The following SLC36A2 variants were observed in gnomAD, a reference collection of about 807,000 sequenced individuals.
The protein encoded by SLC36A2 is proton-coupled amino acid transporter 2.
In SLC36A2, 39 loss-of-function variants were observed where a neutral mutation model predicts 42.7. The ratio of observed to expected loss-of-function variants is 0.91; its 90% CI spans 0.71 to 1.19. The LOEUF (loss-of-function observed/expected upper bound fraction) is 1.19. Ranked by LOEUF, SLC36A2 falls within the 50% of genes most tolerant of loss-of-function variation. SLC36A2 has a pLI of 0.00. For missense variants in SLC36A2, 590 were observed against 613.7 expected (o/e 0.96, Z 0.41); for synonymous variants, 237 against 240.8 (o/e 0.98, Z 0.15).
chr5:151,333,196 G>A, intron 7 of SLC36A2, 28 bp downstream of exon 7: 1 of 1,590,804 alleles, frequency 6.3e-7, no homozygotes, highest in South Asian at 1.1e-5. Flanking sequence ...AAGCACTAGG[G>A]ATAAGGCCAC....
chr5:151,346,764 A>G (rs1394095254), intron 1 of SLC36A2, among the ~76,000 whole-genome samples: 2 of 152,144 alleles, frequency 1.3e-5, no homozygotes, highest in East Asian at 3.9e-4. Context: ...CTCCCTGGAA[A>G]GTGGAAAAAA....
Position 151,335,376 on chromosome 5 carries a change from T to C in SLC36A2, c.697A>G (p.Ile233Val), listed in dbSNP as rs1756123088. ...ATGACCAAGCTGACCAGCATGCTGA[T>C]GTTGGCCAGCATGGAGAAGATGGTC... is the stretch of plus-strand genomic sequence containing the variant. ...ILTIFSMLAN[I>V]SMLVSLVIII... The change falls in exon 6 of 10, where the codon ATC becomes GTC. Residue 233 changes from isoleucine (I) to valine (V), a missense_variant. Coordinates refer to ENST00000335244, the MANE Select transcript of SLC36A2 (RefSeq NM_181776.3). 1 of 1,614,022 alleles carries C rather than the reference T, an allele frequency of 6.2e-7. No homozygotes were observed. The highest frequency in any genetic ancestry group is 8.5e-7 in the Non-Finnish European group (1 of 1,179,986).
chr5:151,338,681 GA>G (rs113529350), intron 5 of SLC36A2: 2,510 of 179,084 alleles, frequency 0.014, no homozygotes, highest in South Asian at 0.033. Context: ...GTCTCAAAAA[GA>G]AAAAAAAAAA....
At chr5:151,336,035 A>T (rs1448035055) in intron 5 of SLC36A2, among the ~76,000 whole-genome samples, 1 of 152,046 alleles carries the variant, frequency 6.6e-6, no homozygotes, top group Non-Finnish European at 1.5e-5. Flanking sequence ...AAAAATAGTT[A>T]AAAAATAAGT....
chr5:151,331,169 T>C (rs1461010505), intron 7 of SLC36A2, among the ~76,000 whole-genome samples: 1 of 152,288 alleles, frequency 6.6e-6, no homozygotes, highest in Non-Finnish European at 1.5e-5. Flanking sequence ...CCTTACCTCA[T>C]ACCACATACA....
chr5:151,331,254 G>A (rs1170381818), intron 7 of SLC36A2, among the ~76,000 whole-genome samples: 1 of 151,974 alleles, frequency 6.6e-6, no homozygotes, highest in East Asian at 1.9e-4. Flanking sequence ...AAAACTCTGA[G>A]GTAAATCTCT....
intron 9 of SLC36A2, 193 bp downstream of exon 9, chr5:151,321,853 T>C (rs1755701976): frequency 5.0e-6 from 3 of 606,058 alleles, no homozygotes; most frequent in Non-Finnish European, 8.8e-6. Flanking sequence ...AATTGTTGTA[T>C]TTTTAGTAGA....
rs1177902365 is a variant in SLC36A2 at position 151,314,972 on chromosome 5, T to G, written c.*1845A>C. On this transcript the variant is annotated 3_prime_UTR_variant, in exon 10 of 10. Transcript: ENST00000335244. ...TTTTGCTGCATAAAACTTCCCACTC[T>G]TTATGTATTAAAATTACAAACATCT... 6.5e-6 allele frequency: 1 copy of G among 152,674 alleles called. No homozygotes were observed. The highest frequency in any genetic ancestry group is 1.5e-5 in the Non-Finnish European group (1 of 68,040). The allele number at this position is 152,674 out of a possible 1,614,324, so 9.5% of individuals were successfully genotyped here.
chr5:151,347,260 G>C (rs1381053952), intron 1 of SLC36A2, 37 bp downstream of exon 1: 2 of 1,613,458 alleles, frequency 1.2e-6, no homozygotes, highest in East Asian at 2.2e-5. Context: ...CTTCAGGCTA[G>C]AAAGCAGAAA....
intron 4 of SLC36A2, among the ~76,000 whole-genome samples, chr5:151,339,862 T>G (rs562521302): frequency 1.3e-5 from 2 of 152,346 alleles, no homozygotes; most frequent in East Asian, 3.9e-4. Flanking sequence ...ATACAGTCCC[T>G]TCCTCTTGTG....
rs1202170135 is a variant in SLC36A2 at position 151,321,948 on chromosome 5, G to A, written c.1180+98C>T. On this transcript the variant is annotated intron_variant, in intron 9 of 9. Transcript: ENST00000335244. ...CCGCCTCGGCCTCCCAAAGTGCCAG[G>A]ATTACAGGTGTAAGCCAATGCATCC... 2.6e-6 allele frequency: 4 copies of A among 1,522,686 alleles called. No homozygotes were observed. In the Admixed American group the frequency reaches 6.8e-5, roughly 26 times the overall value. The allele number at this position is 1,522,686 out of a possible 1,614,324, so 94.3% of individuals were successfully genotyped here. A position where few individuals can be genotyped will look rare whatever the true frequency, so the allele number is the denominator to read the frequency against.
chr5:151,326,823 T>TTTTC (rs1755865147), intron 7 of SLC36A2, among the ~76,000 whole-genome samples: 1 of 151,446 alleles, frequency 6.6e-6, no homozygotes, highest in Non-Finnish European at 1.5e-5. Flanking sequence ...TTTTTTTTTT[T>TTTTC]TTCTTTTTTG....
At position 151,322,134 on chromosome 5, in the gene SLC36A2, G is replaced by A. The variant is rs1755714171; in HGVS notation, c.1092C>T (p.Ile364=). 1 of 1,614,078 alleles carries A rather than the reference G, an allele frequency of 6.2e-7. No homozygotes were observed. Among genetic ancestry groups the A allele is most frequent in the Admixed American group, 1.7e-5 (1 of 60,002 alleles). ...CCCGGGAGATGGCAAAGGGGATGAT[G>A]ATTTCTGCAGGGACGTAGAACTGCA... ...YALQFYVPAE[I]IIPFAISRVS... is the part of the protein sequence containing the mutation. Residue 364 remains isoleucine, a synonymous_variant, in exon 9 of 10, where the codon ATC becomes ATT. Transcript: ENST00000335244.
chr5:151,332,630 A>G (rs1756030654), intron 7 of SLC36A2: 4 of 278,586 alleles, frequency 1.4e-5, no homozygotes. Flanking sequence ...TACATACTGT[A>G]TGATCCCATA....
intron 7 of SLC36A2, among the ~76,000 whole-genome samples, chr5:151,329,896 A>G (rs188087178): frequency 7.9e-5 from 12 of 152,220 alleles, no homozygotes; most frequent in African/African-American, 2.9e-4. Flanking sequence ...TCAAAACTGC[A>G]GTATTCATGG....
rs140341876 is a variant in SLC36A2, at chr5:151,328,926, C to T, written c.844-3474G>A. On this transcript the variant is annotated intron_variant, in intron 7 of 9. Coordinates refer to ENST00000335244, the MANE Select transcript of SLC36A2 (RefSeq NM_181776.3). ...CTTTCTCTTTTCACTCATTGCTCAA[C>T]CCCAGAGGCAGACTTGGTCACAGGA... 1.2e-4 allele frequency among the ~76,000 whole-genome samples: 19 copies of T among 152,306 alleles called. 1 individual carries two copies. The East Asian group carries it at 3.3e-3, about 26-fold the overall frequency.
Position 151,322,051 on chromosome 5 carries a change from A to G in SLC36A2, c.1175T>C (p.Leu392Pro), listed in dbSNP as rs774837574. 3.1e-6 allele frequency: 5 copies of G among 1,614,084 alleles called. No homozygotes were observed. In the East Asian group the frequency reaches 8.9e-5, roughly 29 times the overall value. The stretch of plus-strand genomic sequence containing the variant: ...GCACTCTCCTTTCTACTCACATGTC[A>G]GGCAGACCATGACGAGGCGAATGGA... ...DLSIRLVMVCLTCLLAILIPR... is the reference protein window; with the variant it reads ...DLSIRLVMVCPTCLLAILIPR... The change falls in exon 9 of 10, where the codon CTG becomes CCG. Residue 392 changes from leucine to proline, a missense_variant. Transcript: ENST00000335244.
intron 9 of SLC36A2, among the ~76,000 whole-genome samples, chr5:151,320,073 CTT>C (rs1755638491): frequency 6.6e-6 from 1 of 152,000 alleles, no homozygotes; most frequent in Admixed American, 6.5e-5. Flanking sequence ...TCAATGTTGA[CTT>C]TTTCTTTCTT....
chr5:151,324,306 C>CTTATTTATTTAT (rs58169831), intron 8 of SLC36A2, among the ~76,000 whole-genome samples: 192 of 140,914 alleles, frequency 1.4e-3, no homozygotes, highest in East Asian at 8.4e-3. Flanking sequence ...CCATGCCTGG[C>CTTATTTATTTAT]TTATTTATTT....
Sources: gnomAD v4.1 joint callset for allele counts (sites outside exome capture counted in the v4.1 genomes callset) on GRCh38, gnomAD v4.1.1 for gene constraint, MANE v1.5 for transcripts, NCBI Gene and HGNC (gene_info 2026-07-23, HGNC 2026-07-21) for gene names.